Variants in LTBP1 observed in about 807,000 individuals in gnomAD.
LTBP1 encodes the protein latent-transforming growth factor beta-binding protein 1.
A neutral mutation model predicts 207.6 loss-of-function variants in LTBP1; 129 were observed. That is an observed-to-expected ratio of 0.62 (90% CI 0.54 to 0.72). The LOEUF is 0.72. Among genes scored for constraint, LTBP1 ranks in the 30% least tolerant of loss-of-function variants. The pLI is 0.00. For synonymous variants in LTBP1, 963 were observed against 833.7 expected (o/e 1.16, Z -2.67); for missense variants, 2,281 against 2,217.2 (o/e 1.03, Z -0.58).
intron 32 of LTBP1, among the ~76,000 whole-genome samples, chr2:33,392,044 G>A (rs1303911231): frequency 1.3e-5 from 2 of 152,204 alleles, no homozygotes; most frequent in African/African-American, 4.8e-5. Flanking sequence ...TAGTAACATA[G>A]ACGGAGGCTG....
intron 11 of LTBP1, 142 bp downstream of exon 11, chr2:33,252,986 CTG>C (rs2092725363): frequency 3.2e-6 from 2 of 623,288 alleles, no homozygotes; most frequent in Admixed American, 3.3e-5. Context: ...TTTGTAGAAA[CTG>C]TACACATACA....
At position 33,149,237 on chromosome 2, in the gene LTBP1, A is replaced by AC. The variant is rs1315661971; in HGVS notation, c.1201+14277_1201+14278insC. 1.2e-3 allele frequency among the ~76,000 whole-genome samples: 165 copies of AC among 142,900 alleles called. 1 individual carries two copies. The highest frequency in any genetic ancestry group is 3.9e-3 in the African/African-American group (157 of 39,940). The allele number at this position is 142,900 out of a possible 152,430, so 93.7% of individuals were successfully genotyped here. A position where few individuals can be genotyped will look rare whatever the true frequency, so the allele number is the denominator to read the frequency against. ...CTCACTCACAAAAAAACAAAAAAAA[A>AC]AAAAAAAAAAAAAAAAAAGAGAGGG... On this transcript the variant is annotated intron_variant, in intron 5 of 33. Coordinates refer to ENST00000404816, the MANE Select transcript of LTBP1 (RefSeq NM_206943.4).
At chr2:33,138,823 T>C (rs1414087426) in intron 5 of LTBP1, among the ~76,000 whole-genome samples, 1 of 150,334 alleles carries the variant, frequency 6.7e-6, no homozygotes, top group African/African-American at 2.4e-5. Context: ...ATAAAAAACA[T>C]TGGACCATTT....
intron 31 of LTBP1, among the ~76,000 whole-genome samples, chr2:33,376,050 C>A (rs1210477574): frequency 6.6e-6 from 1 of 152,070 alleles, no homozygotes; most frequent in Non-Finnish European, 1.5e-5. Context: ...CATATAAATT[C>A]TATTAATTAA....
At chr2:32,984,906 G>A (rs958770368) in intron 2 of LTBP1, among the ~76,000 whole-genome samples, 1 of 151,954 alleles carries the variant, frequency 6.6e-6, no homozygotes, top group Admixed American at 6.6e-5. Flanking sequence ...ACTCCAGCCT[G>A]GGCGAGAAGA....
chr2:33,140,944 G>A (rs539477015), intron 5 of LTBP1, among the ~76,000 whole-genome samples: 2 of 152,256 alleles, frequency 1.3e-5, no homozygotes, highest in South Asian at 2.1e-4. Context: ...GATTACAGGC[G>A]TAAGCCACCA....
intron 31 of LTBP1, among the ~76,000 whole-genome samples, chr2:33,382,147 T>C (rs568498579): frequency 2.1e-4 from 27 of 131,320 alleles, no homozygotes; most frequent in African/African-American, 7.4e-4. Context: ...CAGGCTGGAG[T>C]GCAGTGGTGC....
intron 31 of LTBP1, among the ~76,000 whole-genome samples, chr2:33,376,525 G>A (rs892196089): frequency 1.3e-5 from 2 of 152,382 alleles, no homozygotes; most frequent in South Asian, 2.1e-4. Context: ...CATCCTCTCA[G>A]TAATGAGTCT....
At chr2:33,137,223 G>A (rs911400695) in intron 5 of LTBP1, among the ~76,000 whole-genome samples, 1 of 152,116 alleles carries the variant, frequency 6.6e-6, no homozygotes, top group Non-Finnish European at 1.5e-5. Flanking sequence ...TGCAAAAAGT[G>A]ATTTTCTGAT....
intron 3 of LTBP1, among the ~76,000 whole-genome samples, chr2:33,068,433 G>T (rs1343566501): frequency 2.6e-5 from 4 of 152,066 alleles, no homozygotes; most frequent in African/African-American, 9.7e-5. Flanking sequence ...TGATGAACCT[G>T]CATTGACTCA....
chr2:33,192,253 G>T (rs552818529), intron 7 of LTBP1, among the ~76,000 whole-genome samples: 106 of 152,262 alleles, frequency 7.0e-4, no homozygotes, highest in Middle Eastern at 3.4e-3. Context: ...AGCGTGTCAG[G>T]AAGCCCCTTT....
At chr2:33,368,691 A>T (rs932904760) in intron 31 of LTBP1, among the ~76,000 whole-genome samples, 1 of 152,224 alleles carries the variant, frequency 6.6e-6, no homozygotes, top group Non-Finnish European at 1.5e-5. Flanking sequence ...AGCCTGGGCA[A>T]CGTGGTGAAA....
intron 10 of LTBP1, 110 bp from the exon 11 acceptor site, chr2:33,252,567 C>T (rs2092713804): frequency 1.0e-6 from 1 of 979,022 alleles, no homozygotes; most frequent in Non-Finnish European, 1.5e-6. Flanking sequence ...ACAGATTTAT[C>T]CTGAAGTGTG....
At chr2:32,998,829 A>G (rs555600753) in intron 2 of LTBP1, among the ~76,000 whole-genome samples, 11 of 152,172 alleles carry the variant, frequency 7.2e-5, no homozygotes, top group Admixed American at 5.2e-4. Context: ...GAACCTGACT[A>G]TGCTGGCACC....
chr2:33,060,682 A>C (rs2077225820), intron 3 of LTBP1, among the ~76,000 whole-genome samples: 1 of 124,006 alleles, frequency 8.1e-6, no homozygotes, highest in Admixed American at 8.0e-5. Flanking sequence ...TGTGTGTGTA[A>C]AGAAATGCAT....
At position 33,021,177 on chromosome 2, in the gene LTBP1, A is replaced by G; in HGVS notation, c.834A>G (p.Ser278=). Residue 278 remains serine (S), a synonymous_variant, in exon 3 of 34, where the codon TCA becomes TCG. Coordinates refer to ENST00000404816, the MANE Select transcript of LTBP1 (RefSeq NM_206943.4). The stretch of plus-strand genomic sequence containing the variant: ...CCTTAACCCTCAAGCCGAAGCCTTC[A>G]GTGGGACTCCCCCAGCAGATACATT... ...QMTLTLKPKP[S]VGLPQQIHSQ... 2 of 1,606,572 alleles carry G rather than the reference A, an allele frequency of 1.2e-6. No individual in the cohort carries two copies. The highest frequency in any genetic ancestry group is 1.7e-6 in the Non-Finnish European group (2 of 1,174,892).
chr2:33,118,305 C>T (rs1376657804), intron 4 of LTBP1, among the ~76,000 whole-genome samples: 1 of 151,840 alleles, frequency 6.6e-6, no homozygotes, highest in African/African-American at 2.4e-5. Context: ...AATGACCTTA[C>T]AAGAGCTGAT....
Position 32,947,736 on chromosome 2 carries a change from GT to G in LTBP1, c.414del (p.Val139CysfsTer83). 6.5e-7 allele frequency: 1 copy of G among 1,538,584 alleles called. No individual in the cohort carries two copies. The highest frequency in any genetic ancestry group is 8.7e-7 in the Non-Finnish European group (1 of 1,144,200). On this transcript the variant is annotated frameshift_variant, in exon 1 of 34. Transcript: ENST00000404816. LOFTEE classifies it high-confidence loss of function. The stretch of plus-strand genomic sequence containing the variant: ...CCCGTTCACCAAACAAGGCAGGCAA[GT>G]TGTGCGCTCCAAGGTGCCGCAGGAG... ...AAPFTKQGRQ[V>X]VRSKVPQETQ... is the part of the protein sequence containing the mutation.
intron 2 of LTBP1, among the ~76,000 whole-genome samples, chr2:33,009,446 G>A (rs1028230936): frequency 6.6e-6 from 1 of 152,172 alleles, no homozygotes; most frequent in African/African-American, 2.4e-5. Flanking sequence ...GAGTGTGTAT[G>A]TGTGACGTAA....
Sources: gnomAD v4.1 joint callset for allele counts (sites outside exome capture counted in the v4.1 genomes callset) on GRCh38, gnomAD v4.1.1 for gene constraint, MANE v1.5 for transcripts, NCBI Gene and HGNC (gene_info 2026-07-23, HGNC 2026-07-21) for gene names.